Variants in ACSF2 observed in about 807,000 individuals in gnomAD.
ACSF2 encodes medium-chain acyl-CoA ligase ACSF2, mitochondrial.
Under a neutral mutation model 79.3 loss-of-function variants are expected in ACSF2, and 52 were observed. That is an observed-to-expected ratio of 0.66 (90% CI 0.53 to 0.83). The LOEUF is 0.83. Among genes scored for constraint, ACSF2 ranks in the 40% least tolerant of loss-of-function variants. The pLI, the probability that ACSF2 is intolerant of heterozygous loss-of-function variation, is 0.00. For missense variants in ACSF2, 661 were observed against 803.3 expected, an observed-to-expected ratio of 0.82 and a Z score of 2.14; for synonymous variants, 283 against 312.6, an observed-to-expected ratio of 0.91 and a Z score of 1.00.
At chr17:50,470,823 G>A (rs1567864237) in intron 10 of ACSF2, 1 of 508,670 alleles carries the variant, frequency 2.0e-6, no homozygotes, top group Non-Finnish European at 3.6e-6. Context: ...TCAGATCTGG[G>A]GCCCTGCAGA....
intron 1 of ACSF2, chr17:50,450,133 C>T (rs966652569): frequency 6.6e-6 from 1 of 152,538 alleles, no homozygotes; most frequent in African/African-American, 2.4e-5. Flanking sequence ...GGTGGAGACA[C>T]AAACTGGCCA....
chr17:50,463,775 C>A lies in ACSF2; in HGVS notation c.1047-43C>A, dbSNP rs781575468. 1.1e-5 allele frequency: 17 copies of A among 1,586,104 alleles called. No homozygotes were observed. Among genetic ancestry groups the A allele is most frequent in the Non-Finnish European group, 1.4e-5 (16 of 1,156,256 alleles). On this transcript the variant is annotated intron_variant, in intron 8 of 15. Transcript: ENST00000300441. The surrounding 1 kb of genome is among the most constrained non-coding windows in gnomAD (Gnocchi z 4.6). Reference sequence around the variant, plus strand: ...CGGGGTGGGTGAGAACAGGGAGTTCCCTTCCACTTCCAAGCCTAATTTCGA... The same window carrying A: ...CGGGGTGGGTGAGAACAGGGAGTTCACTTCCACTTCCAAGCCTAATTTCGA...
At chr17:50,452,075 C>T (rs2031712263) in intron 1 of ACSF2, among the ~76,000 whole-genome samples, 1 of 152,126 alleles carries the variant, frequency 6.6e-6, no homozygotes, top group Admixed American at 6.5e-5. Flanking sequence ...CCTGAGTTCT[C>T]AGGAGCCAGC....
At chr17:50,461,480 A>G (rs896357348) in intron 3 of ACSF2, 110 bp downstream of exon 3, 1 of 1,592,340 alleles carries the variant, frequency 6.3e-7, no homozygotes, top group Non-Finnish European at 8.6e-7. Flanking sequence ...GTTGGTTTCA[A>G]ACCAGGTAGT....
At chr17:50,451,315 G>T (rs1023943537) in intron 1 of ACSF2, among the ~76,000 whole-genome samples, 6 of 152,176 alleles carry the variant, frequency 3.9e-5, no homozygotes. Flanking sequence ...TGGGTTATAT[G>T]CTAATTCTAT....
At chr17:50,438,755 TG>T (rs1942086255) in intron 1 of ACSF2, among the ~76,000 whole-genome samples, 1 of 151,558 alleles carries the variant, frequency 6.6e-6, no homozygotes, top group Non-Finnish European at 1.5e-5. Context: ...TTAGTAGACA[TG>T]GGGTTTCACC....
intron 1 of ACSF2, among the ~76,000 whole-genome samples, chr17:50,457,547 G>A (rs1211803100): frequency 1.3e-5 from 2 of 152,228 alleles, no homozygotes; most frequent in Non-Finnish European, 2.9e-5. Context: ...AGAAGCAGGA[G>A]GAGCTGAGGT....
chr17:50,464,368 G>A, intron 10 of ACSF2, 74 bp downstream of exon 10: 2 of 1,440,882 alleles, frequency 1.4e-6, no homozygotes, highest in Non-Finnish European at 2.0e-6. Context: ...ACATGGGGAT[G>A]AGTCCAGGCC....
At chr17:50,457,807 A>C (rs1236504934) in intron 1 of ACSF2, among the ~76,000 whole-genome samples, 1 of 152,146 alleles carries the variant, frequency 6.6e-6, no homozygotes, top group Non-Finnish European at 1.5e-5. Flanking sequence ...GTAGGTGCTC[A>C]CTAAAGCTTG....
intron 4 of ACSF2, 86 bp from the exon 5 acceptor site, chr17:50,462,098 T>A: frequency 8.8e-7 from 1 of 1,139,666 alleles, no homozygotes; most frequent in South Asian, 1.3e-5. Context: ...TGCATCTGTA[T>A]GAGAGCAGCT....
intron 10 of ACSF2, chr17:50,469,105 G>A (rs769684952): frequency 4.4e-6 from 5 of 1,143,264 alleles, no homozygotes; most frequent in Non-Finnish European, 5.5e-6. Flanking sequence ...AGCCCCGGCT[G>A]TAGCCCCCCG....
chr17:50,458,208 G>A (rs902705417), intron 1 of ACSF2, among the ~76,000 whole-genome samples: 3 of 152,156 alleles, frequency 2.0e-5, no homozygotes, highest in Admixed American at 6.5e-5. Context: ...CATAAATGAT[G>A]TGGGTCCACT....
At chr17:50,448,170 G>A (rs1319403581) in intron 1 of ACSF2, among the ~76,000 whole-genome samples, 3 of 152,226 alleles carry the variant, frequency 2.0e-5, no homozygotes, top group African/African-American at 7.2e-5. Context: ...TGTGCTCCCA[G>A]GCTGCAAAGC....
chr17:50,462,592 C>G lies in ACSF2; in HGVS notation c.792+7C>G, dbSNP rs2032416112. On this transcript the variant is annotated splice_region_variant and intron_variant, in intron 6 of 15. Coordinates refer to ENST00000300441, the MANE Select transcript of ACSF2 (RefSeq NM_025149.6). ...CAACATCCAGTTCACCTCGGTAGGG[C>G]AGAGGTCTCCAGGCCCCAAGCCCAG... The G allele has an allele frequency of 1.9e-6, 3 of 1,610,010 alleles. No homozygotes were observed. Among genetic ancestry groups the G allele is most frequent in the Non-Finnish European group, 2.5e-6 (3 of 1,176,888 alleles).
At chr17:50,464,889 G>T in intron 10 of ACSF2, 1 of 347,966 alleles carries the variant, frequency 2.9e-6, no homozygotes, top group Non-Finnish European at 5.6e-6. Context: ...AGCTGGGTTG[G>T]TAGTGGAGTG....
Position 50,473,645 on chromosome 17 carries a change from C to G in ACSF2, c.1476-20C>G. 1 of 1,614,086 alleles carries G rather than the reference C, an allele frequency of 6.2e-7. No homozygotes were observed. Among genetic ancestry groups the G allele is most frequent in the South Asian group, 1.1e-5 (1 of 91,074 alleles). ...TGAACAAGGCAGAGATGACAGGTTG[C>G]CCCTGGGCTTTCCTTACAGAGATGT... On this transcript the variant is annotated intron_variant, in intron 12 of 15. Transcript: ENST00000300441.
At chr17:50,446,220 G>A (rs1335598799) in intron 1 of ACSF2, among the ~76,000 whole-genome samples, 1 of 151,606 alleles carries the variant, frequency 6.6e-6, no homozygotes, top group Non-Finnish European at 1.5e-5. Flanking sequence ...TATTAATTAT[G>A]ACTACATTGG....
rs1296922343 is a variant in ACSF2, at chr17:50,474,719, C to T, written c.*167C>T. ...GAGCTCCTGGATGGGTCCGGGAACT[C>T]GCCTGGGCACAAGGTGCCAAAAGGC... On this transcript the variant is annotated 3_prime_UTR_variant, in exon 16 of 16. Transcript: ENST00000300441. This position sits in a 1 kb window ranked among gnomAD's most constrained non-coding sequence, Gnocchi z 4.2. 9.8e-6 allele frequency: 7 copies of T among 711,324 alleles called. No individual in the cohort carries two copies. The highest frequency in any genetic ancestry group is 2.9e-5 in the Admixed American group (1 of 34,552). The allele number at this position is 711,324 out of a possible 1,614,324, so 44.1% of individuals were successfully genotyped here. A position where few individuals can be genotyped will look rare whatever the true frequency, so the allele number is the denominator to read the frequency against.
At chr17:50,443,281 G>A (rs2031071883) in intron 1 of ACSF2, among the ~76,000 whole-genome samples, 1 of 152,122 alleles carries the variant, frequency 6.6e-6, no homozygotes, top group Admixed American at 6.6e-5. Context: ...TTGCCAGGAG[G>A]CCAAACAGCT....
Sources: gnomAD v4.1 joint callset for allele counts (sites outside exome capture counted in the v4.1 genomes callset) on GRCh38, gnomAD v4.1.1 for gene constraint, Gnocchi (gnomAD v3.1) non-coding constraint, MANE v1.5 for transcripts, NCBI Gene and HGNC (gene_info 2026-07-23, HGNC 2026-07-21) for gene names.